The following ZC3H8 variants were observed in gnomAD, a reference collection of about 807,000 sequenced individuals.
ZC3H8 encodes zinc finger CCCH domain-containing protein 8.
Under a neutral mutation model 42.5 loss-of-function variants are expected in ZC3H8, and 27 were observed. The observed-to-expected ratio is 0.64, with a 90% CI of 0.47 to 0.88. The LOEUF (loss-of-function observed/expected upper bound fraction) is 0.88. Among genes scored for constraint, ZC3H8 ranks in the 40% least tolerant of loss-of-function variants. The probability of loss-of-function intolerance (pLI) is 0.00; values close to 1 mark genes in which losing one functional copy is unlikely to be tolerated. For synonymous variants in ZC3H8, 101 were observed against 110.1 expected (o/e 0.92, Z 0.52); for missense variants, 277 against 336.1 (o/e 0.82, Z 1.37).
intron 2 of ZC3H8, among the ~76,000 whole-genome samples, chr2:112,240,095 C>T (rs1467429385): frequency 6.6e-6 from 1 of 152,226 alleles, no homozygotes; most frequent in Non-Finnish European, 1.5e-5. Flanking sequence ...AACTTCTTGT[C>T]TCTAGGTCTT....
intron 8 of ZC3H8, 184 bp downstream of exon 8, chr2:112,230,719 C>A: frequency 3.7e-6 from 1 of 271,286 alleles, no homozygotes; most frequent in Non-Finnish European, 6.8e-6. Flanking sequence ...GACAAGCCCA[C>A]ACAAGGAAGC....
At chr2:112,220,947 T>C (rs1218897732) in intron 8 of ZC3H8, among the ~76,000 whole-genome samples, 2 of 152,212 alleles carry the variant, frequency 1.3e-5, no homozygotes, top group Non-Finnish European at 2.9e-5. Context: ...ATGATCTTCT[T>C]GTGTAGAATT....
intron 1 of ZC3H8, among the ~76,000 whole-genome samples, chr2:112,253,795 T>G (rs1686035180): frequency 6.6e-6 from 1 of 152,252 alleles, no homozygotes; most frequent in Non-Finnish European, 1.5e-5. Flanking sequence ...TCTTATGTAT[T>G]TTATAACATA....
In ZC3H8 at chr2:112,250,267, T is replaced by C; in HGVS notation, c.80A>G (p.Asp27Gly). Residue 27 changes from aspartate to glycine, a missense_variant, in exon 2 of 9, where the codon GAT becomes GGT. Physicochemically the swap from Asp to Gly is moderately conservative, Grantham distance 94 (BLOSUM62 -1). Coordinates refer to ENST00000409573, the MANE Select transcript of ZC3H8 (RefSeq NM_032494.3). ...TTCAACTTCTGTATCTATTTCATCA[T>C]CGATTCTGTAGCAAAAATATCAAAT... ...KTATDSDERI[D>G]DEIDTEVEET... 1 of 1,551,694 alleles carries C rather than the reference T, an allele frequency of 6.4e-7. No homozygotes were observed. The highest frequency in any genetic ancestry group is 8.7e-7 in the Non-Finnish European group (1 of 1,147,322).
rs1684141881 is a variant in ZC3H8 at position 112,211,677 on chromosome 2, T to G, written c.*4807A>C. ...CTGCTAATTAAAATGAGTCTATCAA[T>G]TGTAAAATATATTCCAGTTTCAGAG... On this transcript the variant is annotated 3_prime_UTR_variant, in exon 9 of 9. Transcript: ENST00000409573. 1 of 152,220 alleles carries G rather than the reference T, an allele frequency of 6.6e-6. No individual in the cohort carries two copies. The highest frequency in any genetic ancestry group is 1.5e-5 in the Non-Finnish European group (1 of 68,030). The allele number at this position is 152,220 out of a possible 1,614,324, so 9.4% of individuals were successfully genotyped here. A position where few individuals can be genotyped will look rare whatever the true frequency, so the allele number is the denominator to read the frequency against.
chr2:112,234,337 GT>G, intron 4 of ZC3H8, 101 bp from the exon 5 acceptor site: 2 of 879,492 alleles, frequency 2.3e-6, no homozygotes, highest in Non-Finnish European at 3.4e-6. Context: ...AGCCTTAAAG[GT>G]GACTCTTCTA....
chr2:112,226,703 A>G (rs927842128), intron 8 of ZC3H8, among the ~76,000 whole-genome samples: 1 of 152,036 alleles, frequency 6.6e-6, no homozygotes, highest in Non-Finnish European at 1.5e-5. Flanking sequence ...ACACCTTTCA[A>G]CTCATTCTAG....
chr2:112,241,009 TTGTGTG>T (rs3048247), intron 2 of ZC3H8, among the ~76,000 whole-genome samples: 5 of 145,562 alleles, frequency 3.4e-5, no homozygotes, highest in Admixed American at 6.9e-5. Flanking sequence ...GTGTTGTGTT[TTGTGTG>T]TGTGTGTGTG....
At chr2:112,250,408 T>C in intron 1 of ZC3H8, 136 bp from the exon 2 acceptor site, 1 of 511,156 alleles carries the variant, frequency 2.0e-6, no homozygotes, top group Non-Finnish European at 3.3e-6. Context: ...CTATACCAAA[T>C]ACTCCAGAAA....
At chr2:112,240,992 T>TGCGC (rs1553486843) in intron 2 of ZC3H8, among the ~76,000 whole-genome samples, 1,504 of 143,778 alleles carry the variant, frequency 0.01, 12 homozygotes, top group Non-Finnish European at 0.016. Flanking sequence ...TGTGCGCGTG[T>TGCGC]GTATGTGTGT....
At chr2:112,253,000 G>A (rs940503163) in intron 1 of ZC3H8, among the ~76,000 whole-genome samples, 2 of 152,168 alleles carry the variant, frequency 1.3e-5, no homozygotes, top group African/African-American at 2.4e-5. Context: ...CGGGCGTGGT[G>A]GCAGGCGCCT....
At position 112,231,837 on chromosome 2, in the gene ZC3H8, CT is replaced by C. The variant is rs768341644; in HGVS notation, c.843del (p.Val282PhefsTer17). ...LTPETQELLAKVLDTEKKSCK is the reference protein window; with the variant it reads ...LTPETQELLAXVLDTEKKSCK ...AAAAGATTATTAAAAATTATACTTA[CT>C]TTAGCCAACAATTCTTGTGTTTCAG... On this transcript the variant is annotated frameshift_variant and splice_region_variant, in exon 7 of 9. Transcript: ENST00000409573. LOFTEE classifies it high-confidence loss of function. 1.3e-6 allele frequency: 2 copies of C among 1,554,120 alleles called. No homozygotes were observed. The highest frequency in any genetic ancestry group is 3.7e-5 in the Admixed American group (2 of 54,696).
At chr2:112,254,865 C>T (rs1686070353) in intron 1 of ZC3H8, 43 bp downstream of exon 1, 1 of 1,599,168 alleles carries the variant, frequency 6.3e-7, no homozygotes, top group Non-Finnish European at 8.5e-7. Flanking sequence ...GGCGGAGTCC[C>T]GCTGAGCCCC....
chr2:112,222,680 T>C (rs539971568), intron 8 of ZC3H8, among the ~76,000 whole-genome samples: 89 of 152,260 alleles, frequency 5.8e-4, no homozygotes, highest in South Asian at 5.0e-3. Context: ...AAAAAGGACA[T>C]ACTGTATGAT....
chr2:112,233,759 C>A (rs1685193961), intron 5 of ZC3H8, among the ~76,000 whole-genome samples: 2 of 152,022 alleles, frequency 1.3e-5, no homozygotes, highest in Non-Finnish European at 2.9e-5. Context: ...GTCCCAGCTA[C>A]TTGGGAGGCT....
intron 8 of ZC3H8, among the ~76,000 whole-genome samples, chr2:112,226,173 T>G (rs1054271862): frequency 6.6e-6 from 1 of 150,626 alleles, no homozygotes; most frequent in African/African-American, 2.4e-5. Context: ...GTAGACAACT[T>G]AGATGAAATA....
rs567629164 is a variant in ZC3H8, at chr2:112,235,613, C to CT, written c.504+948dup. ...TTACCCTTGTCCCATATGACCAAGC[C>CT]TAATAAAAAAAGTTGCCATCCAGTT... On this transcript the variant is annotated intron_variant, in intron 4 of 8. Coordinates refer to ENST00000409573, the MANE Select transcript of ZC3H8 (RefSeq NM_032494.3). 8.2e-4 allele frequency among the ~76,000 whole-genome samples: 125 copies of CT among 152,104 alleles called. 1 individual carries two copies. In the South Asian group the frequency reaches 0.018, roughly 22 times the overall value.
chr2:112,245,070 T>C (rs1259267548), intron 2 of ZC3H8, among the ~76,000 whole-genome samples: 1 of 152,220 alleles, frequency 6.6e-6, no homozygotes, highest in Non-Finnish European at 1.5e-5. Flanking sequence ...AACTTGTGAA[T>C]GCAAAGGGAA....
At chr2:112,249,405 C>T (rs1480879716) in intron 2 of ZC3H8, among the ~76,000 whole-genome samples, 1 of 152,106 alleles carries the variant, frequency 6.6e-6, no homozygotes, top group East Asian at 1.9e-4. Context: ...GACCTCCAGC[C>T]TCCAGAACCT....
Sources: allele counts gnomAD v4.1 joint callset (sites outside exome capture counted in the v4.1 genomes callset), GRCh38; gene constraint gnomAD v4.1.1; transcripts MANE v1.5; gene names NCBI Gene and HGNC (gene_info 2026-07-23, HGNC 2026-07-21).